Variants in CARD10 observed in about 807,000 individuals in gnomAD.
The protein encoded by CARD10 is caspase recruitment domain family member 10, also known as caspase recruitment domain-containing protein 10.
Under a neutral mutation model 114.6 loss-of-function variants are expected in CARD10, and 49 were observed. The observed-to-expected ratio is 0.43, with a 90% CI of 0.34 to 0.54. The LOEUF is 0.54. CARD10 is among the 20% of genes least tolerant of loss of function. CARD10 has a pLI of 0.03. For missense variants in CARD10, 1,206 were observed against 1,397.2 expected, an observed-to-expected ratio of 0.86 and a Z score of 2.18; for synonymous variants, 602 against 593.2, an observed-to-expected ratio of 1.01 and a Z score of -0.21.
rs1222719306 is a variant in CARD10, at chr22:37,503,177, G to C, written c.1663+8C>G. The C allele has an allele frequency of 6.2e-7, 1 of 1,610,982 alleles. No homozygotes were observed. Among genetic ancestry groups the C allele is most frequent in the Non-Finnish European group, 8.5e-7 (1 of 1,178,882 alleles). ...GGAGCCCTCCCCACGGAACTCAAGG[G>C]CTGTTACCTGTGATGTCTGACATGC... On this transcript the variant is annotated splice_region_variant and intron_variant, in intron 10 of 19. Coordinates refer to ENST00000251973, the MANE Select transcript of CARD10 (RefSeq NM_014550.4).
Position 37,516,161 on chromosome 22 carries a change from G to T in CARD10, c.511C>A (p.Leu171Met). 1 of 1,593,954 alleles carries T rather than the reference G, an allele frequency of 6.3e-7. No individual in the cohort carries two copies. Residue 171 changes from leucine to methionine, a missense_variant, in exon 3 of 20, where the codon CTG becomes ATG. By Grantham distance (15) the Leu-to-Met change is conservative. Transcript: ENST00000251973. ...GRVLEEERAG[L>M]EQRLRDQQQA... ...TGCTGGTCCCGCAGCCGCTGCTCCA[G>T]CCCTGCCCGCTCCTCCTCGAGCACC...
Position 37,495,218 on chromosome 22 carries a change from G to A in CARD10, c.2373+299C>T, listed in dbSNP as rs368123407. Reference sequence around the variant, plus strand: ...CCTGACCTTGTGATCCGCCCACCTCGGCCTCCCAAAGTGCTGGGATTACAG... The same window carrying A: ...CCTGACCTTGTGATCCGCCCACCTCAGCCTCCCAAAGTGCTGGGATTACAG... On this transcript the variant is annotated intron_variant, in intron 15 of 19. Coordinates refer to ENST00000251973, the MANE Select transcript of CARD10 (RefSeq NM_014550.4). Among the ~76,000 whole-genome samples, 135 of 152,214 alleles carry A rather than the reference G, an allele frequency of 8.9e-4. 1 individual carries two copies. The East Asian group carries it at 0.023, about 26-fold the overall frequency.
chr22:37,515,673 G>A (rs1315292466), intron 3 of CARD10, among the ~76,000 whole-genome samples: 2 of 151,624 alleles, frequency 1.3e-5, no homozygotes, highest in Non-Finnish European at 2.9e-5. Flanking sequence ...GGACTGTCCT[G>A]TGCCCTGCAG....
At chr22:37,500,853 T>G (rs181554074) in intron 11 of CARD10, among the ~76,000 whole-genome samples, 6 of 152,240 alleles carry the variant, frequency 3.9e-5, no homozygotes, top group Admixed American at 3.9e-4. Context: ...GAGCATATGC[T>G]GACATCCACC....
At chr22:37,507,800 A>G in intron 6 of CARD10, 29 bp downstream of exon 6, 2 of 1,613,688 alleles carry the variant, frequency 1.2e-6, no homozygotes, top group Non-Finnish European at 1.7e-6. Flanking sequence ...CAACTGGCCC[A>G]GGGCCTCGTA....
At position 37,508,647 on chromosome 22, in the gene CARD10, GCGCTCGGAGCCCGGGGCCCC is replaced by G; in HGVS notation, c.925_944del (p.Gly309HisfsTer9). ...CATGCTCTAGGATGTCCAGCAGGAT[GCGCTCGGAGCCCGGGGCCCC>G]CGGCCGGCTCGCCTCCTGGGGATCA... On this transcript the variant is annotated frameshift_variant, in exon 5 of 20. Coordinates refer to ENST00000251973, the MANE Select transcript of CARD10 (RefSeq NM_014550.4). LOFTEE classifies it high-confidence loss of function. 1 of 1,581,858 alleles carries G rather than the reference GCGCTCGGAGCCCGGGGCCCC, an allele frequency of 6.3e-7. No individual in the cohort carries two copies. The highest frequency in any genetic ancestry group is 8.6e-7 in the Non-Finnish European group (1 of 1,167,538).
At position 37,490,800 on chromosome 22, in the gene CARD10, T is replaced by G. The variant is rs1922740604; in HGVS notation, c.*359A>C. 4.0e-6 allele frequency: 1 copy of G among 251,086 alleles called. No individual in the cohort carries two copies. Among genetic ancestry groups the G allele is most frequent in the Admixed American group, 5.6e-5 (1 of 17,986 alleles). The allele number at this position is 251,086 out of a possible 1,614,324, so 15.6% of individuals were successfully genotyped here. ...CGTGCCCAGGGCAGCGGGACAGACC[T>G]GAGCCTGCCCATGAGAACTTGAGTG... On this transcript the variant is annotated 3_prime_UTR_variant, in exon 20 of 20. Transcript: ENST00000251973.
Position 37,491,090 on chromosome 22 carries a change from G to A in CARD10, c.*69C>T, listed in dbSNP as rs1291628506. On this transcript the variant is annotated 3_prime_UTR_variant, in exon 20 of 20. Transcript: ENST00000251973. ...GGTCTAGGAAGGCTCAGGGTGGGAGGGCCCAGCTTCACCATAGACACCAGG... is the reference window on the plus strand; with the variant it reads ...GGTCTAGGAAGGCTCAGGGTGGGAGAGCCCAGCTTCACCATAGACACCAGG... 1 of 1,276,982 alleles carries A rather than the reference G, an allele frequency of 7.8e-7. No homozygotes were observed. Among genetic ancestry groups the A allele is most frequent in the Non-Finnish European group, 1.1e-6 (1 of 910,286 alleles). The allele number at this position is 1,276,982 out of a possible 1,614,324, so 79.1% of individuals were successfully genotyped here.
rs61752257 is a variant in CARD10, at chr22:37,504,279, T to C, written c.1541A>G (p.Lys514Arg). The C allele has an allele frequency of 1.6e-3, 2,521 of 1,562,728 alleles. 40 individuals are homozygous for C. The African/African-American group carries it at 0.028, about 17-fold the overall frequency. The change falls in exon 9 of 20, where the codon AAG becomes AGG. Residue 514 changes from lysine to arginine, a missense_variant. By Grantham distance (26) the Lys-to-Arg change is conservative (BLOSUM62 2). Coordinates refer to ENST00000251973, the MANE Select transcript of CARD10 (RefSeq NM_014550.4). ...CAGGATGGAGAGCCGATTGATCTCC[T>C]TTTCACTGTCTGTGGCTTCCTCCTG... ...HNSEEATDSEKEINRLSILPF... is the reference protein window; with the variant it reads ...HNSEEATDSEREINRLSILPF...
At chr22:37,511,188 G>A (rs1372486879) in intron 3 of CARD10, among the ~76,000 whole-genome samples, 2 of 151,098 alleles carry the variant, frequency 1.3e-5, no homozygotes, top group South Asian at 2.1e-4. Context: ...ACCTCGTCTC[G>A]ACAAAAAAAA....
At chr22:37,505,308 C>T (rs940127678) in intron 7 of CARD10, among the ~76,000 whole-genome samples, 11 of 152,052 alleles carry the variant, frequency 7.2e-5, no homozygotes, top group Non-Finnish European at 1.6e-4. Flanking sequence ...TTAATGCTGA[C>T]TTTTCCTATA....
chr22:37,494,520 T>G (rs537744296), intron 15 of CARD10: 1 of 367,220 alleles, frequency 2.7e-6, no homozygotes, highest in Non-Finnish European at 5.0e-6. Flanking sequence ...AAATGTCACA[T>G]ACGAGGCAAA....
intron 16 of CARD10, among the ~76,000 whole-genome samples, chr22:37,493,289 C>G (rs1922873030): frequency 6.6e-6 from 1 of 152,208 alleles, no homozygotes; most frequent in African/African-American, 2.4e-5. Flanking sequence ...CCCAGTTAAC[C>G]CTTGCCCTCC....
At position 37,498,389 on chromosome 22, in the gene CARD10, C is replaced by T. The variant is rs865980093; in HGVS notation, c.1788-1211G>A. Among the ~76,000 whole-genome samples the T allele has an allele frequency of 1.9e-4, 29 of 152,328 alleles. 1 individual carries two copies. The Middle Eastern group carries it at 0.014, about 71-fold the overall frequency. Reference sequence around the variant, plus strand: ...GAGGCCTTGTGGCCAGGCTCAGAGACAAATGGACCCCAAGTCCCCTGCCAG... The same window carrying T: ...GAGGCCTTGTGGCCAGGCTCAGAGATAAATGGACCCCAAGTCCCCTGCCAG... On this transcript the variant is annotated intron_variant, in intron 11 of 19. Transcript: ENST00000251973.
At chr22:37,502,243 T>C (rs768743171) in intron 11 of CARD10, among the ~76,000 whole-genome samples, 1 of 152,160 alleles carries the variant, frequency 6.6e-6, no homozygotes, top group Non-Finnish European at 1.5e-5. Context: ...AGGCAGGACA[T>C]TGGGACGAGG....
intron 9 of CARD10, 83 bp from the exon 10 acceptor site, chr22:37,503,296 C>T (rs1923286699): frequency 7.4e-7 from 1 of 1,353,198 alleles, no homozygotes; most frequent in Non-Finnish European, 1.0e-6. Context: ...GCCCCCACAC[C>T]AGATAAATGT....
In CARD10 at chr22:37,500,446, C is replaced by T. The variant is rs189247583; in HGVS notation, c.1787+2156G>A. On this transcript the variant is annotated intron_variant, in intron 11 of 19. Transcript: ENST00000251973. ...CCCCATGAGTTCTCCCTTGCTGTCC[C>T]CCACCTGACTATCTGTCAGCCCAAC... 9.9e-5 allele frequency among the ~76,000 whole-genome samples: 15 copies of T among 152,106 alleles called. 1 individual carries two copies. The East Asian group carries it at 2.7e-3, about 27-fold the overall frequency.
chr22:37,516,166 G>A lies in CARD10; in HGVS notation c.506C>T (p.Ala169Val). Reference sequence around the variant, plus strand: ...GTCCCGCAGCCGCTGCTCCAGCCCTGCCCGCTCCTCCTCGAGCACCCGGCC... The same window carrying A: ...GTCCCGCAGCCGCTGCTCCAGCCCTACCCGCTCCTCCTCGAGCACCCGGCC... ...ARGRVLEEERAGLEQRLRDQQ... is the reference protein window; with the variant it reads ...ARGRVLEEERVGLEQRLRDQQ... Residue 169 changes from alanine to valine, a missense_variant, in exon 3 of 20, where the codon GCA becomes GTA. By Grantham distance (64) the Ala-to-Val change is moderately conservative. This residue lies in a region of CARD10 where 1,068 missense variants were observed against 1,179.1 expected (regional missense o/e 0.91). Transcript: ENST00000251973. 6.3e-7 allele frequency: 1 copy of A among 1,593,882 alleles called. No homozygotes were observed.
In CARD10 at chr22:37,492,619, TCC is replaced by T; in HGVS notation, c.2635+23_2635+24del. ...CGGCTGCCCAGAGGGGCACCCAGCC[TCC>T]CCTCCCCGGCACATAGTCTCACCCG... On this transcript the variant is annotated intron_variant, in intron 17 of 19. Transcript: ENST00000251973. This position sits in a 1 kb window ranked among gnomAD's most constrained non-coding sequence, Gnocchi z 5.7. 6.2e-7 allele frequency: 1 copy of T among 1,610,460 alleles called. No individual in the cohort carries two copies. Among genetic ancestry groups the T allele is most frequent in the Non-Finnish European group, 8.5e-7 (1 of 1,178,408 alleles).
Sources: gnomAD v4.1 joint callset for allele counts (sites outside exome capture counted in the v4.1 genomes callset) on GRCh38, gnomAD v4.1.1 for gene constraint, gnomAD v4.1.1 regional missense constraint, Gnocchi (gnomAD v3.1) non-coding constraint, MANE v1.5 for transcripts, NCBI Gene and HGNC (gene_info 2026-07-23, HGNC 2026-07-21) for gene names.